NRG1: variants seen among roughly 807,000 people sequenced by gnomAD.
The protein encoded by NRG1 is pro-neuregulin-1, membrane-bound isoform.
Under a neutral mutation model 63.8 loss-of-function variants are expected in NRG1, and 18 were observed. The ratio of observed to expected loss-of-function variants is 0.28; its 90% CI spans 0.19 to 0.42. NRG1 has a LOEUF of 0.42. NRG1 is among the 10% of genes least tolerant of loss of function. The pLI, the probability that NRG1 is intolerant of heterozygous loss-of-function variation, is 1.00. For synonymous variants in NRG1, 302 were observed against 301.3 expected, an observed-to-expected ratio of 1.00 and a Z score of -0.02; for missense variants, 762 against 814.7, an observed-to-expected ratio of 0.94 and a Z score of 0.79.
chr8:32,045,550 A>T (rs1820862606), intron 1 of NRG1, among the ~76,000 whole-genome samples: 1 of 151,956 alleles, frequency 6.6e-6, no homozygotes. Context: ...TGGAGAAATT[A>T]TGTGCTCAAT....
chr8:32,328,046 A>G (rs1012821742), intron 1 of NRG1, among the ~76,000 whole-genome samples: 4 of 152,216 alleles, frequency 2.6e-5, no homozygotes, highest in Admixed American at 6.5e-5. Context: ...CTTTTTGAGT[A>G]CAGAATGACT....
chr8:32,324,391 T>C (rs563556783), intron 1 of NRG1, among the ~76,000 whole-genome samples: 2 of 152,274 alleles, frequency 1.3e-5, no homozygotes, highest in African/African-American at 4.8e-5. Flanking sequence ...AATGCAAGCA[T>C]TGAGTAGAGA....
chr8:32,297,106 GC>G (rs1188487673), intron 1 of NRG1, among the ~76,000 whole-genome samples: 3 of 151,946 alleles, frequency 2.0e-5, no homozygotes, highest in African/African-American at 7.2e-5. Context: ...AGAATGAGAC[GC>G]TGTCTCAAAG....
exon 12 of NRG1, chr8:32,764,387 C>A (rs1399889476): frequency 6.3e-7 from 1 of 1,583,092 alleles, no homozygotes; most frequent in East Asian, 2.3e-5. Context: ...CTAACCAAGA[C>A]CCTATTGCTG....
At chr8:32,336,922 T>G (rs1803345019) in intron 1 of NRG1, among the ~76,000 whole-genome samples, 1 of 151,908 alleles carries the variant, frequency 6.6e-6, no homozygotes, top group African/African-American at 2.4e-5. Context: ...GAGTGGACAT[T>G]TTATTCTACA....
chr8:32,437,466 C>T (rs551641595), intron 1 of NRG1, among the ~76,000 whole-genome samples: 86 of 152,272 alleles, frequency 5.6e-4, no homozygotes, highest in Middle Eastern at 3.4e-3. Context: ...GCCTCCAATG[C>T]GCAGCATGAA....
At chr8:32,305,613 T>C (rs1380535684) in intron 1 of NRG1, among the ~76,000 whole-genome samples, 1 of 152,222 alleles carries the variant, frequency 6.6e-6, no homozygotes, top group African/African-American at 2.4e-5. Context: ...GCTTTGTCTC[T>C]TCACCAGCCT....
intron 1 of NRG1, chr8:31,639,690 G>A (rs1803540749): frequency 7.1e-7 from 1 of 1,400,674 alleles, no homozygotes; most frequent in Non-Finnish European, 9.2e-7. Context: ...GGGGTGGGGG[G>A]ACCTGTCACT....
At chr8:32,419,980 C>A (rs1410644832) in intron 1 of NRG1, among the ~76,000 whole-genome samples, 3 of 152,174 alleles carry the variant, frequency 2.0e-5, no homozygotes, top group African/African-American at 4.8e-5. Flanking sequence ...AAAAACACAG[C>A]CGGGATGGCT....
intron 1 of NRG1, among the ~76,000 whole-genome samples, chr8:31,710,191 A>G (rs1811600858): frequency 6.6e-6 from 1 of 151,820 alleles, no homozygotes; most frequent in Non-Finnish European, 1.5e-5. Context: ...TAAAATTACC[A>G]TGAGAAAATT....
intron 1 of NRG1, among the ~76,000 whole-genome samples, chr8:32,384,115 T>C (rs1340356561): frequency 6.6e-6 from 1 of 152,074 alleles, no homozygotes; most frequent in African/African-American, 2.4e-5. Flanking sequence ...TATGTACCTA[T>C]AGTCTCAGCA....
At chr8:32,405,306 G>T (rs1349106609) in intron 1 of NRG1, among the ~76,000 whole-genome samples, 1 of 152,136 alleles carries the variant, frequency 6.6e-6, no homozygotes, top group Non-Finnish European at 1.5e-5. Flanking sequence ...TTGCAGATTA[G>T]GTTATTTGCA....
rs1427847201 is a variant in NRG1, at chr8:32,674,899, AT to A, written c.503-53049del. Reference sequence around the variant, plus strand: ...TGGTTGAGCCCAAGTCTCCTTCTGAATCTAGAGCTATAGCTGTTAAACTAAG... The same window carrying A: ...TGGTTGAGCCCAAGTCTCCTTCTGAACTAGAGCTATAGCTGTTAAACTAAG... On this transcript the variant is annotated intron_variant, in intron 5 of 11. Coordinates refer to ENST00000356819, the Ensembl canonical transcript of NRG1. Among the ~76,000 whole-genome samples, 14 of 152,288 alleles carry A rather than the reference AT, an allele frequency of 9.2e-5. No individual in the cohort carries two copies. In the East Asian group the frequency reaches 2.5e-3, roughly 27 times the overall value.
At chr8:31,774,835 A>G (rs2131586912) in intron 1 of NRG1, among the ~76,000 whole-genome samples, 1 of 152,324 alleles carries the variant, frequency 6.6e-6, no homozygotes, top group East Asian at 1.9e-4. Context: ...GAAAAAATGC[A>G]CACCATCAGT....
chr8:32,025,150 GTAAT>G (rs1449640055), intron 1 of NRG1, among the ~76,000 whole-genome samples: 1 of 152,096 alleles, frequency 6.6e-6, no homozygotes, highest in African/African-American at 2.4e-5. Flanking sequence ...AGGTTAAAAT[GTAAT>G]TAATCTACAT....
intron 1 of NRG1, among the ~76,000 whole-genome samples, chr8:32,554,290 A>G (rs1277633030): frequency 1.3e-5 from 2 of 152,186 alleles, no homozygotes; most frequent in Non-Finnish European, 2.9e-5. Context: ...GCATGTCTGC[A>G]CTTGTGTGTG....
chr8:32,338,459 A>C (rs573754306), intron 1 of NRG1, among the ~76,000 whole-genome samples: 1 of 152,304 alleles, frequency 6.6e-6, no homozygotes, highest in African/African-American at 2.4e-5. Flanking sequence ...ATGTTTGATA[A>C]GTATGAGGCA....
At chr8:31,758,135 G>A (rs1362258302) in intron 1 of NRG1, among the ~76,000 whole-genome samples, 2 of 152,024 alleles carry the variant, frequency 1.3e-5, no homozygotes, top group African/African-American at 2.4e-5. Flanking sequence ...AGGTATACAC[G>A]TGCCATGGTG....
At chr8:32,664,248 G>C (rs1803575656) in intron 5 of NRG1, among the ~76,000 whole-genome samples, 1 of 151,886 alleles carries the variant, frequency 6.6e-6, no homozygotes. Context: ...CCATTAACTG[G>C]AGTATAAGGT....
Sources: allele counts gnomAD v4.1 joint callset (sites outside exome capture counted in the v4.1 genomes callset), GRCh38; gene constraint gnomAD v4.1.1; transcripts MANE v1.5; gene names NCBI Gene and HGNC (gene_info 2026-07-23, HGNC 2026-07-21).